KLHL4: variants seen among roughly 807,000 people sequenced by gnomAD.
KLHL4 encodes kelch-like protein 4.
In KLHL4, 17 loss-of-function variants were observed where a neutral mutation model predicts 45.8. That is an observed-to-expected ratio of 0.37 (90% CI 0.25 to 0.56). KLHL4 has a LOEUF of 0.56. Ranked by LOEUF, KLHL4 falls within the 20% of genes least tolerant of loss-of-function variation. The pLI is 0.79. For missense variants in KLHL4, 544 were observed against 544.9 expected, an observed-to-expected ratio of 1.00 and a Z score of 0.02; for synonymous variants, 224 against 189.9, an observed-to-expected ratio of 1.18 and a Z score of -1.47.
intron 1 of KLHL4, among the ~76,000 whole-genome samples, chrX:87,609,390 T>TC (rs1250130102): frequency 1.8e-5 from 2 of 111,781 alleles, no homozygotes; most frequent in Non-Finnish European, 3.8e-5. Context: ...TGTAAAAGTG[T>TC]TCCTATTTCT....
intron 1 of KLHL4, among the ~76,000 whole-genome samples, chrX:87,527,315 C>T (rs1015058140): frequency 9.0e-6 from 1 of 111,606 alleles, no homozygotes; most frequent in Admixed American, 9.6e-5. Flanking sequence ...ACTGGACTCA[C>T]CATTACAGTG....
chrX:87,599,957 G>A (rs1460271149), intron 1 of KLHL4, among the ~76,000 whole-genome samples: 3 of 112,393 alleles, frequency 2.7e-5, no homozygotes, highest in Non-Finnish European at 3.8e-5. Flanking sequence ...TTCTGCTTTT[G>A]TTTCTTCTTG....
intron 6 of KLHL4, among the ~76,000 whole-genome samples, chrX:87,627,219 G>T (rs1406121100): frequency 1.8e-5 from 2 of 111,406 alleles, no homozygotes; most frequent in Non-Finnish European, 3.8e-5. Flanking sequence ...TAGGTAACCA[G>T]TGTGCATAAG....
At chrX:87,646,179 A>G (rs767400301) in intron 9 of KLHL4, among the ~76,000 whole-genome samples, 2 of 111,587 alleles carry the variant, frequency 1.8e-5, no homozygotes, top group East Asian at 5.6e-4. Context: ...TTAGGAATAC[A>G]CTTAACCAAG....
intron 1 of KLHL4, among the ~76,000 whole-genome samples, chrX:87,548,499 G>A (rs898136304): frequency 1.8e-5 from 2 of 111,594 alleles, no homozygotes; most frequent in East Asian, 2.8e-4. Flanking sequence ...ACTGTGTTGT[G>A]TAAACAACTT....
At chrX:87,610,119 A>T (rs1357932668) in intron 1 of KLHL4, among the ~76,000 whole-genome samples, 2 of 111,446 alleles carry the variant, frequency 1.8e-5, no homozygotes, top group African/African-American at 6.5e-5. Flanking sequence ...TCTACATAAA[A>T]TGCCACCAGC....
intron 1 of KLHL4, among the ~76,000 whole-genome samples, chrX:87,562,317 C>T (rs72634507): frequency 0.2 from 21,304 of 108,849 alleles, 1,610 homozygotes; most frequent in East Asian, 0.25. Context: ...CTTAAGATCC[C>T]CAATTCCAGG....
At chrX:87,608,997 G>A (rs1029402019) in intron 1 of KLHL4, among the ~76,000 whole-genome samples, 2 of 110,808 alleles carry the variant, frequency 1.8e-5, no homozygotes, top group Non-Finnish European at 3.8e-5. Flanking sequence ...CCACCTATGA[G>A]TGAGAACATG....
intron 1 of KLHL4, among the ~76,000 whole-genome samples, chrX:87,524,899 C>T (rs759923782): frequency 2.7e-5 from 3 of 111,509 alleles, no homozygotes; most frequent in African/African-American, 3.3e-5. Flanking sequence ...GGGTTATCTG[C>T]GTGAATCAAT....
At chrX:87,546,369 G>T (rs1394335802) in intron 1 of KLHL4, among the ~76,000 whole-genome samples, 1 of 112,049 alleles carries the variant, frequency 8.9e-6, no homozygotes, top group Non-Finnish European at 1.9e-5. Context: ...CCAAGCCTTG[G>T]TGGCTTTTCC....
chrX:87,666,949 A>G lies in KLHL4; in HGVS notation c.*415A>G, dbSNP rs1262756385. 5.8e-6 allele frequency: 4 copies of G among 692,741 alleles called. No homozygotes were observed. The highest frequency in any genetic ancestry group is 6.8e-6 in the Non-Finnish European group (4 of 584,474). 57.1% of individuals were successfully genotyped at this position (692,741 alleles called of 1,213,427 possible). A position where few individuals can be genotyped will look rare whatever the true frequency, so the allele number is the denominator to read the frequency against. The stretch of plus-strand genomic sequence containing the variant: ...AAAACGTACTCTTATTATCTGGAAC[A>G]TAGAAATATAAAAGGTAACATCTAA... On this transcript the variant is annotated 3_prime_UTR_variant, in exon 11 of 11. Coordinates refer to ENST00000373119, the MANE Select transcript of KLHL4 (RefSeq NM_019117.5).
chrX:87,527,091 G>A (rs186716048), intron 1 of KLHL4, among the ~76,000 whole-genome samples: 14 of 111,829 alleles, frequency 1.3e-4, no homozygotes, highest in African/African-American at 4.2e-4. Flanking sequence ...AACAAGAGAC[G>A]AAAATAGTCT....
At chrX:87,570,214 T>C (rs1932306605) in intron 1 of KLHL4, among the ~76,000 whole-genome samples, 1 of 111,429 alleles carries the variant, frequency 9.0e-6, no homozygotes, top group African/African-American at 3.2e-5. Context: ...TTATCTACTT[T>C]AGAAGATTTG....
intron 1 of KLHL4, among the ~76,000 whole-genome samples, chrX:87,588,625 C>T: frequency 9.0e-6 from 1 of 111,156 alleles, no homozygotes; most frequent in East Asian, 2.8e-4. Flanking sequence ...CCTCATATCT[C>T]ACCATATTAA....
intron 9 of KLHL4, among the ~76,000 whole-genome samples, chrX:87,641,662 C>G (rs1476523925): frequency 9.0e-6 from 1 of 111,132 alleles, no homozygotes; most frequent in South Asian, 3.8e-4. Context: ...AAGCCCGTCT[C>G]GTCCTCTACC....
chrX:87,552,453 G>A lies in KLHL4; in HGVS notation c.422+34138G>A, dbSNP rs185156734. The stretch of plus-strand genomic sequence containing the variant: ...AGGGGACATTTCTACACTGCTGGTG[G>A]GAATGTAAACTAGTACAGCCACTGT... On this transcript the variant is annotated intron_variant, in intron 1 of 10. Transcript: ENST00000373119. 3.6e-5 allele frequency among the ~76,000 whole-genome samples: 4 copies of A among 111,215 alleles called. No homozygotes were observed. The East Asian group carries it at 1.1e-3, about 32-fold the overall frequency.
chrX:87,597,483 T>C (rs1921873716), intron 1 of KLHL4, among the ~76,000 whole-genome samples: 1 of 111,507 alleles, frequency 9.0e-6, no homozygotes, highest in South Asian at 3.8e-4. Flanking sequence ...GACATACAGG[T>C]CTTAAACTTT....
intron 7 of KLHL4, 86 bp from the exon 8 acceptor site, chrX:87,633,663 T>G (rs2147824759): frequency 3.7e-6 from 3 of 808,354 alleles, no homozygotes; most frequent in Non-Finnish European, 1.7e-6. Flanking sequence ...ACAAAAAAAT[T>G]TAAGCAGTTA....
chrX:87,643,915 C>A (rs1375380510), intron 9 of KLHL4, among the ~76,000 whole-genome samples: 1 of 111,636 alleles, frequency 9.0e-6, no homozygotes, highest in Non-Finnish European at 1.9e-5. Context: ...GTAATAAAAA[C>A]CATCTATGAC....
Sources: allele counts gnomAD v4.1 joint callset (sites outside exome capture counted in the v4.1 genomes callset), GRCh38; gene constraint gnomAD v4.1.1; transcripts MANE v1.5; gene names NCBI Gene and HGNC (gene_info 2026-07-23, HGNC 2026-07-21).